C19orf47: variants seen among roughly 807,000 people sequenced by gnomAD.
C19orf47 encodes chromosome 19 open reading frame 47.
A neutral mutation model predicts 32.3 loss-of-function variants in C19orf47; 18 were observed. The observed-to-expected ratio is 0.56, with a 90% CI of 0.39 to 0.83. The LOEUF (loss-of-function observed/expected upper bound fraction) is 0.83, where lower values mean the gene tolerates loss of function less well. C19orf47 is among the 40% of genes least tolerant of loss of function. The pLI is 0.00. For missense variants in C19orf47, 484 were observed against 531.6 expected (o/e 0.91, Z 0.88); for synonymous variants, 202 against 211.1 (o/e 0.96, Z 0.37).
the C19orf47 span, among the ~76,000 whole-genome samples, chr19:40,301,313 T>TTGCA: frequency 7.1e-6 from 1 of 140,192 alleles, no homozygotes; most frequent in Non-Finnish European, 1.5e-5. Flanking sequence ...CTTGAGAGGC[T>TTGCA]TTTATTTATT....
intron 1 of C19orf47, among the ~76,000 whole-genome samples, chr19:40,345,631 C>T (rs1467261982): frequency 6.7e-6 from 1 of 149,922 alleles, no homozygotes; most frequent in Non-Finnish European, 1.5e-5. Flanking sequence ...CACCTGAGGT[C>T]AGGAGTTCGA....
chr19:40,330,180 G>C (rs1312229793), intron 5 of C19orf47, among the ~76,000 whole-genome samples: 1 of 151,554 alleles, frequency 6.6e-6, no homozygotes, highest in African/African-American at 2.4e-5. Context: ...TTCTTTGCCT[G>C]TTTCCCCTTC....
At chr19:40,326,094 C>T (rs1467132577) in intron 7 of C19orf47, among the ~76,000 whole-genome samples, 1 of 152,244 alleles carries the variant, frequency 6.6e-6, no homozygotes, top group East Asian at 1.9e-4. Context: ...TCTATCGTTG[C>T]TCCTGCCCCT....
the C19orf47 span, among the ~76,000 whole-genome samples, chr19:40,295,621 A>G: frequency 1.3e-5 from 2 of 151,342 alleles, no homozygotes; most frequent in African/African-American, 4.9e-5. Flanking sequence ...TTTTTAGTAG[A>G]GATGAGGTTT....
intron 5 of C19orf47, 27 bp from the exon 6 acceptor site, chr19:40,328,577 C>G (rs749858681): frequency 5.1e-6 from 8 of 1,583,532 alleles, no homozygotes; most frequent in Non-Finnish European, 6.9e-6. Flanking sequence ...AGAGTCCGGT[C>G]GGGTGGGGTC....
Position 40,336,121 on chromosome 19 carries a change from C to G in C19orf47, c.211G>C (p.Val71Leu). 6.2e-7 allele frequency: 1 copy of G among 1,614,180 alleles called. No individual in the cohort carries two copies. Among genetic ancestry groups the G allele is most frequent in the Non-Finnish European group, 8.5e-7 (1 of 1,180,002 alleles). ...IIAILKHAKV[V>L]HRQDMCKAAT... The stretch of plus-strand genomic sequence containing the variant: ...GGCACAGCACCCACCTGACGGTGCA[C>G]CACTTTGGCATGCTTGAGAATGGCG... The change falls in exon 4 of 9, where the codon GTG becomes CTG. Residue 71 changes from valine to leucine, a missense_variant. Transcript: ENST00000683109.
chr19:40,321,737 C>T lies in C19orf47; in HGVS notation c.*145G>A, dbSNP rs1254244480. ...GGCTAGGAGAAATGGGGTGATCCCC[C>T]GAATGCTCGGGCCTAGCTCTAGAGC... On this transcript the variant is annotated 3_prime_UTR_variant, in exon 9 of 9. Coordinates refer to ENST00000683109, the MANE Select transcript of C19orf47 (RefSeq NM_001256441.2). 1.5e-5 allele frequency: 21 copies of T among 1,431,136 alleles called. No individual in the cohort carries two copies. The East Asian group carries it at 3.3e-4, about 22-fold the overall frequency. 88.7% of individuals were successfully genotyped at this position (1,431,136 alleles called of 1,614,324 possible). A position where few individuals can be genotyped will look rare whatever the true frequency, so the allele number is the denominator to read the frequency against.
At chr19:40,317,419 C>T (rs1391358649), downstream of C19orf47, among the ~76,000 whole-genome samples, 1 of 151,984 alleles carries the variant, frequency 6.6e-6, no homozygotes, top group East Asian at 1.9e-4. Flanking sequence ...CATAGAAAGA[C>T]CCTGTCTCTA....
In C19orf47 at chr19:40,321,189, C is replaced by T. The variant is rs931076878; in HGVS notation, c.*693G>A. On this transcript the variant is annotated 3_prime_UTR_variant, in exon 9 of 9. Transcript: ENST00000683109. ...GAGACAGATGCCCAGGGCAGGAAAA[C>T]GGATGCGCCTCAGCCGCAGCCCAGG... The T allele has an allele frequency of 9.3e-6, 9 of 965,590 alleles. No homozygotes were observed. The highest frequency in any genetic ancestry group is 1.8e-5 in the African/African-American group (1 of 56,728). The allele number at this position is 965,590 out of a possible 1,614,324, so 59.8% of individuals were successfully genotyped here. A position where few individuals can be genotyped will look rare whatever the true frequency, so the allele number is the denominator to read the frequency against.
In C19orf47 at chr19:40,333,848, C is replaced by A; in HGVS notation, c.301+3G>T. On this transcript the variant is annotated splice_donor_region_variant and intron_variant, in intron 5 of 8. Coordinates refer to ENST00000683109, the MANE Select transcript of C19orf47 (RefSeq NM_001256441.2). ...AAAAGAGGCCTGAATAGTTAGGACT[C>A]ACCACTGGTGCCACGGCGAATTTCG... The A allele has an allele frequency of 6.4e-7, 1 of 1,565,820 alleles. No individual in the cohort carries two copies. Among genetic ancestry groups the A allele is most frequent in the Non-Finnish European group, 8.7e-7 (1 of 1,153,876 alleles).
intron 5 of C19orf47, among the ~76,000 whole-genome samples, chr19:40,331,679 T>G (rs1026944399): frequency 6.6e-6 from 1 of 152,056 alleles, no homozygotes; most frequent in African/African-American, 2.4e-5. Context: ...AGCACAGTTT[T>G]GGGCGGCTTA....
At chr19:40,336,043 G>T in intron 4 of C19orf47, 67 bp downstream of exon 4, 1 of 1,443,318 alleles carries the variant, frequency 6.9e-7, no homozygotes, top group Non-Finnish European at 9.7e-7. Flanking sequence ...GCCTCCCATT[G>T]GCTCTGCAAC....
chr19:40,306,134 A>T, the C19orf47 span, among the ~76,000 whole-genome samples: 3 of 145,866 alleles, frequency 2.1e-5, no homozygotes, highest in Non-Finnish European at 4.5e-5. Context: ...CTGGACGACA[A>T]GAGCAAAACT....
intron 1 of C19orf47, among the ~76,000 whole-genome samples, chr19:40,345,017 C>A (rs1037883511): frequency 6.6e-6 from 1 of 152,250 alleles, no homozygotes; most frequent in South Asian, 2.1e-4. Flanking sequence ...GACTTGGACC[C>A]CACGCAGTCC....
downstream of C19orf47, among the ~76,000 whole-genome samples, chr19:40,319,268 C>T (rs1449897210): frequency 1.3e-5 from 2 of 150,074 alleles, no homozygotes; most frequent in African/African-American, 2.5e-5. Context: ...AAAACTCTAA[C>T]TCAAAAAAAA....
rs531793612 is a variant in C19orf47, at chr19:40,330,932, G to A, written c.302-2382C>T. On this transcript the variant is annotated intron_variant, in intron 5 of 8. Transcript: ENST00000683109. ...AATGTGGTGGCTGGGAGGGGGCACA[G>A]GGGGATTCTGGCAGGCTGGTCATGT... is the stretch of plus-strand genomic sequence containing the variant. 1.4e-4 allele frequency among the ~76,000 whole-genome samples: 22 copies of A among 152,318 alleles called. No homozygotes were observed. The South Asian group carries it at 4.3e-3, about 30-fold the overall frequency.
At chr19:40,326,281 C>G in intron 7 of C19orf47, 53 bp downstream of exon 7, 1 of 1,604,176 alleles carries the variant, frequency 6.2e-7, no homozygotes, top group East Asian at 2.2e-5. Context: ...CTGTGTGATG[C>G]AGAGGGAGGG....
chr19:40,311,403 G>A, the C19orf47 span, among the ~76,000 whole-genome samples: 48,257 of 150,844 alleles, frequency 0.32, 9,533 homozygotes, highest in African/African-American at 0.56. Flanking sequence ...TTAGCCAAAC[G>A]TGGTGGCACG....
At chr19:40,337,389 T>G (rs1056273923) in intron 2 of C19orf47, among the ~76,000 whole-genome samples, 3 of 151,588 alleles carry the variant, frequency 2.0e-5, no homozygotes, top group African/African-American at 7.3e-5. Flanking sequence ...CCTATGAAAC[T>G]TTATTCTTTC....
Sources: allele counts gnomAD v4.1 joint callset (sites outside exome capture counted in the v4.1 genomes callset), GRCh38; gene constraint gnomAD v4.1.1; transcripts MANE v1.5; gene names NCBI Gene and HGNC (gene_info 2026-07-23, HGNC 2026-07-21).